Variants in ZSCAN20 observed in about 807,000 individuals in gnomAD.
The protein encoded by ZSCAN20 is zinc finger and SCAN domain containing 20, also known as zinc finger and SCAN domain-containing protein 20.
In ZSCAN20, 39 loss-of-function variants were observed where a neutral mutation model predicts 97.1. That is an observed-to-expected ratio of 0.40 (90% CI 0.31 to 0.52). The LOEUF (loss-of-function observed/expected upper bound fraction) is 0.52. Among genes scored for constraint, ZSCAN20 ranks in the 20% least tolerant of loss-of-function variants. ZSCAN20 has a pLI of 0.49. For synonymous variants in ZSCAN20, 456 were observed against 467.3 expected, an observed-to-expected ratio of 0.98 and a Z score of 0.31; for missense variants, 1,115 against 1,290.4, an observed-to-expected ratio of 0.86 and a Z score of 2.08.
In ZSCAN20 at chr1:33,491,948, G is replaced by A; in HGVS notation, c.1444+246G>A. ...TAAGGGGCCTCAAAGAGTGAATCCA[G>A]TATTTCCAAAAGTGTGTCACTGGTA... On this transcript the variant is annotated intron_variant, in intron 6 of 7. Coordinates refer to ENST00000684572, the MANE Select transcript of ZSCAN20 (RefSeq NM_001377376.1). This position sits in a 1 kb window ranked among gnomAD's most constrained non-coding sequence, Gnocchi z 4.3. The A allele has an allele frequency of 2.7e-6, 1 of 373,590 alleles. No individual in the cohort carries two copies. Among genetic ancestry groups the A allele is most frequent in the South Asian group, 1.0e-4 (1 of 9,848 alleles). 23.1% of individuals were successfully genotyped at this position (373,590 alleles called of 1,614,324 possible).
At chr1:33,486,595 T>C (rs2148461024) in intron 2 of ZSCAN20, among the ~76,000 whole-genome samples, 1 of 152,370 alleles carries the variant, frequency 6.6e-6, no homozygotes, top group Middle Eastern at 3.4e-3. Context: ...TTTTGTCTCC[T>C]GGTTGTCACT....
At position 33,497,015 on chromosome 1, in the gene ZSCAN20, C is replaced by G. The variant is rs574091275; in HGVS notation, c.*1539C>G. ...TTTCCATAGGACTTTAAAGGAAAAT[C>G]CCCCTCCTGCCATCCTCTTATGACA... On this transcript the variant is annotated 3_prime_UTR_variant, in exon 8 of 8. Coordinates refer to ENST00000684572, the MANE Select transcript of ZSCAN20 (RefSeq NM_001377376.1). 4.6e-5 allele frequency among the ~76,000 whole-genome samples: 7 copies of G among 152,198 alleles called. No individual in the cohort carries two copies. The highest frequency in any genetic ancestry group is 1.0e-4 in the Non-Finnish European group (7 of 68,036).
rs1465769312 is a variant in ZSCAN20 at position 33,499,647 on chromosome 1, T to G, written c.*4171T>G. ...ATCTTGGACTCAGTTCTGCCAATACTTTCTCCCTTCTAAGAGCATTTCCAG... is the reference window on the plus strand; with the variant it reads ...ATCTTGGACTCAGTTCTGCCAATACGTTCTCCCTTCTAAGAGCATTTCCAG... On this transcript the variant is annotated 3_prime_UTR_variant, in exon 8 of 8. Transcript: ENST00000684572. Among the ~76,000 whole-genome samples, 3 of 152,212 alleles carry G rather than the reference T, an allele frequency of 2.0e-5. No homozygotes were observed. The highest frequency in any genetic ancestry group is 7.2e-5 in the African/African-American group (3 of 41,448).
intron 2 of ZSCAN20, among the ~76,000 whole-genome samples, chr1:33,480,058 TCCAAA>T (rs1652091411): frequency 6.6e-6 from 1 of 152,186 alleles, no homozygotes; most frequent in Admixed American, 6.5e-5. Flanking sequence ...TAACCACTAC[TCCAAA>T]CTGCCTCCCA....
rs769291499 is a variant in ZSCAN20, at chr1:33,479,680, G to A, written c.392G>A (p.Arg131Gln). Reference sequence around the variant, plus strand: ...GTGGCCTTGGTGGAGGATTGGCACCGAGAGACCAGGACTGCAGGACAGTCG... The same window carrying A: ...GTGGCCTTGGTGGAGGATTGGCACCAAGAGACCAGGACTGCAGGACAGTCG... ...EAVALVEDWH[R>Q]ETRTAGQSGL... The change falls in exon 2 of 8, where the codon CGA becomes CAA. Residue 131 changes from arginine (R) to glutamine (Q), a missense_variant. This residue lies in a region of ZSCAN20 where 508 missense variants were observed against 611.2 expected (regional missense o/e 0.83). Transcript: ENST00000684572. 6 of 1,579,576 alleles carry A rather than the reference G, an allele frequency of 3.8e-6. No individual in the cohort carries two copies. The highest frequency in any genetic ancestry group is 2.2e-5 in the East Asian group (1 of 44,684).
chr1:33,486,237 T>TA (rs1303993613), intron 2 of ZSCAN20, among the ~76,000 whole-genome samples: 2 of 152,192 alleles, frequency 1.3e-5, no homozygotes, highest in African/African-American at 4.8e-5. Context: ...AGATAAAACT[T>TA]ACAAAAATGT....
At position 33,489,129 on chromosome 1, in the gene ZSCAN20, C is replaced by T. The variant is rs1362920036; in HGVS notation, c.619C>T (p.Arg207Ter). The T allele has an allele frequency of 3.7e-6, 6 of 1,613,234 alleles. No individual in the cohort carries two copies. The highest frequency in any genetic ancestry group is 5.1e-6 in the Non-Finnish European group (6 of 1,179,480). The change falls in exon 4 of 8, where the codon CGA becomes TGA. Residue 207 changes from arginine to a stop codon, truncating the protein, a stop_gained. Transcript: ENST00000684572. LOFTEE classifies it high-confidence loss of function. ...CTTTTCCTCAGCTGTCCTCACTCCC[C>T]GAGTCCCTACTCTCCCAAAGATGGG... is the stretch of plus-strand genomic sequence containing the variant. ...PLKESAVLTP[R>*]VPTLPKMGSV...
intron 2 of ZSCAN20, among the ~76,000 whole-genome samples, chr1:33,487,317 G>A (rs542478111): frequency 6.6e-6 from 1 of 152,144 alleles, no homozygotes; most frequent in African/African-American, 2.4e-5. Flanking sequence ...TTTCTATAAA[G>A]TATTGAGATT....
rs997988812 is a variant in ZSCAN20, at chr1:33,479,550, G to A, written c.262G>A (p.Glu88Lys). The A allele has an allele frequency of 1.7e-5, 27 of 1,613,782 alleles. No individual in the cohort carries two copies. The Admixed American group carries it at 3.5e-4, about 21-fold the overall frequency. Residue 88 changes from glutamate (E) to lysine (K), a missense_variant, in exon 2 of 8, where the codon GAG becomes AAG. Around this residue, in one of 3 missense-constraint regions of ZSCAN20, gnomAD observed 508 missense variants for 611.2 expected, o/e 0.83. Transcript: ENST00000684572. ...GCTGAGGCCGGAGATCCGTCTCAAA[G>A]AGCAGATCCTGGAGCTGCTCGTGCT... ...RWLRPEIRLKEQILELLVLEQ... is the reference protein window; with the variant it reads ...RWLRPEIRLKKQILELLVLEQ...
In ZSCAN20 at chr1:33,501,540, T is replaced by G. The variant is rs962458223; in HGVS notation, c.*6064T>G. Among the ~76,000 whole-genome samples, 3 of 149,976 alleles carry G rather than the reference T, an allele frequency of 2.0e-5. No individual in the cohort carries two copies. The highest frequency in any genetic ancestry group is 4.4e-5 in the Non-Finnish European group (3 of 67,554). ...TTCACTTCCCCATTTTCTGTTATTTTTTTTTTTTTTGTGCTGTTATGTACA... is the reference window on the plus strand; with the variant it reads ...TTCACTTCCCCATTTTCTGTTATTTGTTTTTTTTTTGTGCTGTTATGTACA... On this transcript the variant is annotated 3_prime_UTR_variant, in exon 8 of 8. Transcript: ENST00000684572.
rs143516122 is a variant in ZSCAN20, at chr1:33,494,360, A to G, written c.2016A>G (p.Glu672=). Residue 672 remains glutamate (E), a synonymous_variant, in exon 8 of 8, where the codon GAA becomes GAG. Coordinates refer to ENST00000684572, the MANE Select transcript of ZSCAN20 (RefSeq NM_001377376.1). ...DWGEDSENEN[E]DEGQWGNPSQ... The stretch of plus-strand genomic sequence containing the variant: ...GAGAAGACAGTGAAAATGAAAATGA[A>G]GATGAAGGGCAGTGGGGAAATCCCT... 1,667 of 1,614,210 alleles carry G rather than the reference A, an allele frequency of 1.0e-3. 19 individuals carry two copies. The highest frequency in any genetic ancestry group is 0.01 in the South Asian group (939 of 91,080).
Position 33,491,446 on chromosome 1 carries a change from A to G in ZSCAN20, c.1188A>G (p.Pro396=), listed in dbSNP as rs1570561609. ...NYRKAKSSHP[P]GTCPFYEELE... is the part of the protein sequence containing the mutation. ...GGAAAGCCAAGAGCAGCCACCCACC[A>G]GGTACCTGCCCCTTCTATGAGGAGC... Residue 396 remains proline (P), a synonymous_variant, in exon 6 of 8, where the codon CCA becomes CCG. Transcript: ENST00000684572. This position sits in a 1 kb window ranked among gnomAD's most constrained non-coding sequence, Gnocchi z 4.3. 6.2e-7 allele frequency: 1 copy of G among 1,614,188 alleles called. No individual in the cohort carries two copies. Among genetic ancestry groups the G allele is most frequent in the East Asian group, 2.2e-5 (1 of 44,882 alleles).
chr1:33,476,643 G>A (rs1357586468), intron 1 of ZSCAN20, among the ~76,000 whole-genome samples: 6 of 152,228 alleles, frequency 3.9e-5, no homozygotes, highest in Admixed American at 3.9e-4. Flanking sequence ...CTCTATAAAT[G>A]ATTGATGAAT....
intron 1 of ZSCAN20, among the ~76,000 whole-genome samples, chr1:33,477,631 A>G (rs1651984471): frequency 6.7e-6 from 1 of 150,032 alleles, no homozygotes; most frequent in Admixed American, 6.7e-5. Context: ...TCCTTTTGGC[A>G]TGAGCGCGAA....
chr1:33,490,380 G>A (rs1343354419), intron 5 of ZSCAN20, among the ~76,000 whole-genome samples: 1 of 152,060 alleles, frequency 6.6e-6, no homozygotes, highest in African/African-American at 2.4e-5. Flanking sequence ...TGTTAGGGCC[G>A]GGAGCTGTTG....
In ZSCAN20 at chr1:33,479,666, G is replaced by A. The variant is rs772152914; in HGVS notation, c.378G>A (p.Val126=). 14 of 1,593,202 alleles carry A rather than the reference G, an allele frequency of 8.8e-6. No homozygotes were observed. The highest frequency in any genetic ancestry group is 1.2e-5 in the Non-Finnish European group (14 of 1,172,120). The stretch of plus-strand genomic sequence containing the variant: ...GTGGTGAGGAGGCTGTGGCCTTGGT[G>A]GAGGATTGGCACCGAGAGACCAGGA... The part of the protein sequence containing the change: ...PESGEEAVAL[V]EDWHRETRTA... The change falls in exon 2 of 8, where the codon GTG becomes GTA. Residue 126 remains valine, a synonymous_variant. Transcript: ENST00000684572.
At chr1:33,483,054 T>A (rs1370806723) in intron 2 of ZSCAN20, among the ~76,000 whole-genome samples, 1 of 152,210 alleles carries the variant, frequency 6.6e-6, no homozygotes, top group African/African-American at 2.4e-5. Context: ...TAGAGCAGTA[T>A]TTTTTAATTT....
rs1302991539 is a variant in ZSCAN20 at position 33,499,975 on chromosome 1, A to G, written c.*4499A>G. On this transcript the variant is annotated 3_prime_UTR_variant, in exon 8 of 8. Coordinates refer to ENST00000684572, the MANE Select transcript of ZSCAN20 (RefSeq NM_001377376.1). ...CTGCCCCAATCTGCTACAAGGGGTT[A>G]GTGTTCCATGCAGTGGGAGTGCAGG... Among the ~76,000 whole-genome samples the G allele has an allele frequency of 6.6e-6, 1 of 152,134 alleles. No individual in the cohort carries two copies. Among genetic ancestry groups the G allele is most frequent in the Non-Finnish European group, 1.5e-5 (1 of 68,034 alleles).
rs183330425 is a variant in ZSCAN20, at chr1:33,499,315, C to G, written c.*3839C>G. On this transcript the variant is annotated 3_prime_UTR_variant, in exon 8 of 8. Transcript: ENST00000684572. ...ACTCCAGAGTTCTGTCCTAGGCTTG[C>G]TTCTTCATTCACTCTGTTTCCCTTT... Among the ~76,000 whole-genome samples, 3 of 152,316 alleles carry G rather than the reference C, an allele frequency of 2.0e-5. No homozygotes were observed. Among genetic ancestry groups the G allele is most frequent in the Admixed American group, 2.0e-4 (3 of 15,304 alleles).
Sources: gnomAD v4.1 joint callset for allele counts (sites outside exome capture counted in the v4.1 genomes callset) on GRCh38, gnomAD v4.1.1 for gene constraint, gnomAD v4.1.1 regional missense constraint, Gnocchi (gnomAD v3.1) non-coding constraint, MANE v1.5 for transcripts, NCBI Gene and HGNC (gene_info 2026-07-23, HGNC 2026-07-21) for gene names.